L3MBTL4: variants seen among roughly 807,000 people sequenced by gnomAD.
L3MBTL4 encodes L3MBTL histone methyl-lysine binding protein 4, also known as lethal(3)malignant brain tumor-like protein 4.
A neutral mutation model predicts 84.5 loss-of-function variants in L3MBTL4; 70 were observed. The observed-to-expected ratio is 0.83, with a 90% CI of 0.68 to 1.01. The LOEUF is 1.01. Among genes scored for constraint, L3MBTL4 ranks in the 50% least tolerant of loss-of-function variants. L3MBTL4 has a pLI of 0.00. For missense variants in L3MBTL4, 715 were observed against 754.8 expected (o/e 0.95, Z 0.62); for synonymous variants, 274 against 259.8 (o/e 1.05, Z -0.52).
At chr18:5,964,326 A>G (rs147712471) in intron 17 of L3MBTL4, among the ~76,000 whole-genome samples, 1 of 152,256 alleles carries the variant, frequency 6.6e-6, no homozygotes, top group African/African-American at 2.4e-5. Flanking sequence ...CCCTGGCATC[A>G]TCGCTGGAGC....
chr18:6,374,052 C>G (rs1270977713), intron 1 of L3MBTL4, among the ~76,000 whole-genome samples: 2 of 152,048 alleles, frequency 1.3e-5, no homozygotes, highest in Non-Finnish European at 2.9e-5. Flanking sequence ...CTGAAGAATT[C>G]AAGTAAAATA....
intron 1 of L3MBTL4, among the ~76,000 whole-genome samples, chr18:6,358,551 G>C (rs2053544827): frequency 2.6e-5 from 4 of 152,230 alleles, no homozygotes; most frequent in Admixed American, 2.6e-4. Context: ...AAGAAAGACA[G>C]CTGTAGCAAA....
chr18:6,058,506 G>A (rs367851599), intron 16 of L3MBTL4, among the ~76,000 whole-genome samples: 2 of 152,006 alleles, frequency 1.3e-5, no homozygotes, highest in African/African-American at 2.4e-5. Flanking sequence ...TCAAGTCCAC[G>A]GTACCCATAA....
intron 16 of L3MBTL4, among the ~76,000 whole-genome samples, chr18:6,032,546 T>A (rs1378302541): frequency 1.3e-5 from 2 of 152,056 alleles, no homozygotes; most frequent in African/African-American, 4.8e-5. Context: ...GTTTTTTTTT[T>A]ATTGTGGTAA....
intron 5 of L3MBTL4, among the ~76,000 whole-genome samples, chr18:6,248,709 C>A (rs530506447): frequency 6.6e-6 from 1 of 152,268 alleles, no homozygotes; most frequent in East Asian, 1.9e-4. Context: ...CTCTTTTGCA[C>A]GTGGCTTTTT....
chr18:6,102,674 G>A (rs1380658587), intron 14 of L3MBTL4, among the ~76,000 whole-genome samples: 3 of 152,194 alleles, frequency 2.0e-5, no homozygotes, highest in African/African-American at 7.2e-5. Flanking sequence ...TAGAGCACAT[G>A]GCAAGAAGAT....
intron 16 of L3MBTL4, among the ~76,000 whole-genome samples, chr18:6,021,320 A>G (rs1476431120): frequency 6.6e-6 from 1 of 152,218 alleles, no homozygotes; most frequent in African/African-American, 2.4e-5. Flanking sequence ...GAGGATGGTG[A>G]AACTTTTTTT....
At chr18:6,010,689 T>C (rs1293431336) in intron 16 of L3MBTL4, among the ~76,000 whole-genome samples, 1 of 152,230 alleles carries the variant, frequency 6.6e-6, no homozygotes, top group Non-Finnish European at 1.5e-5. Flanking sequence ...ATTTACATAA[T>C]ATAACATCTT....
chr18:6,391,035 C>T (rs868506795), intron 1 of L3MBTL4, among the ~76,000 whole-genome samples: 1 of 148,540 alleles, frequency 6.7e-6, no homozygotes, highest in Non-Finnish European at 1.5e-5. Flanking sequence ...CAAAAAAAAA[C>T]AAAAGTCTAC....
chr18:6,344,559 T>C (rs2052776936), intron 1 of L3MBTL4, among the ~76,000 whole-genome samples: 1 of 152,210 alleles, frequency 6.6e-6, no homozygotes, highest in Non-Finnish European at 1.5e-5. Context: ...ATTACCCTGA[T>C]AGCAAAGACA....
chr18:5,973,527 T>C (rs556947264), intron 16 of L3MBTL4, among the ~76,000 whole-genome samples: 1 of 145,856 alleles, frequency 6.9e-6, no homozygotes, highest in African/African-American at 2.8e-5. Flanking sequence ...GCGAATATAC[T>C]GATTTTAACT....
At chr18:6,315,612 C>G (rs1352427056) in intron 1 of L3MBTL4, among the ~76,000 whole-genome samples, 2 of 152,186 alleles carry the variant, frequency 1.3e-5, no homozygotes, top group Non-Finnish European at 2.9e-5. Context: ...TCTGGGGTCC[C>G]TCTTTGAACA....
chr18:6,199,083 G>A (rs1292069162), intron 12 of L3MBTL4, among the ~76,000 whole-genome samples: 4 of 152,300 alleles, frequency 2.6e-5, no homozygotes, highest in Non-Finnish European at 5.9e-5. Context: ...ATGTTCACTA[G>A]TGATGTTAAA....
At chr18:6,118,449 C>A (rs970237025) in intron 14 of L3MBTL4, among the ~76,000 whole-genome samples, 1 of 152,168 alleles carries the variant, frequency 6.6e-6, no homozygotes, top group Non-Finnish European at 1.5e-5. Flanking sequence ...TTCTAGGTAT[C>A]ATTCATCTCC....
intron 16 of L3MBTL4, among the ~76,000 whole-genome samples, chr18:6,066,639 T>G (rs1165704294): frequency 6.6e-6 from 1 of 152,174 alleles, no homozygotes; most frequent in Non-Finnish European, 1.5e-5. Flanking sequence ...TAACTGTTGT[T>G]GCTTTAAAGT....
intron 13 of L3MBTL4, among the ~76,000 whole-genome samples, chr18:6,156,717 A>G (rs2043120293): frequency 6.6e-6 from 1 of 152,150 alleles, no homozygotes; most frequent in Non-Finnish European, 1.5e-5. Flanking sequence ...CTGTCAAACC[A>G]CTGAGTTGTT....
At chr18:6,264,738 C>T (rs1268820085) in intron 4 of L3MBTL4, among the ~76,000 whole-genome samples, 5 of 152,122 alleles carry the variant, frequency 3.3e-5, no homozygotes, top group Admixed American at 1.3e-4. Flanking sequence ...GAGCCGAGAT[C>T]GCACTACTGC....
chr18:6,093,305 C>T (rs1417752172), intron 15 of L3MBTL4, 50 bp downstream of exon 15: 1 of 1,376,346 alleles, frequency 7.3e-7, no homozygotes, highest in Non-Finnish European at 9.7e-7. Context: ...TGTTCTTTTA[C>T]TATTCTACAT....
intron 5 of L3MBTL4, among the ~76,000 whole-genome samples, chr18:6,252,415 A>AT (rs1183918563): frequency 1.3e-5 from 2 of 148,688 alleles, no homozygotes; most frequent in Admixed American, 6.6e-5. Flanking sequence ...GTGTGTTTTC[A>AT]TTTTTTATCA....
Sources: allele counts gnomAD v4.1 joint callset (sites outside exome capture counted in the v4.1 genomes callset), GRCh38; gene constraint gnomAD v4.1.1; transcripts MANE v1.5; gene names NCBI Gene and HGNC (gene_info 2026-07-23, HGNC 2026-07-21).